Variants in MSRA observed in about 807,000 individuals in gnomAD.
MSRA encodes methionine sulfoxide reductase A.
Under a neutral mutation model 31.3 loss-of-function variants are expected in MSRA, and 54 were observed. The observed-to-expected ratio is 1.73, with a 90% CI of 1.39 to 2.17. The LOEUF (loss-of-function observed/expected upper bound fraction) is 2.17, where lower values mean the gene tolerates loss of function less well. MSRA is among the 30% of genes most tolerant of loss of function. The pLI is 0.00. For missense variants in MSRA, 507 were observed against 300.9 expected (o/e 1.69, Z -5.07); for synonymous variants, 169 against 116.5 (o/e 1.45, Z -2.90).
chr8:10,220,444 A>T (rs1311599098), intron 2 of MSRA, among the ~76,000 whole-genome samples: 1 of 152,246 alleles, frequency 6.6e-6, no homozygotes, highest in Non-Finnish European at 1.5e-5. Context: ...AAATATGCTT[A>T]GCATAAGCTG....
intron 1 of MSRA, among the ~76,000 whole-genome samples, chr8:10,169,049 A>G (rs1563176036): frequency 6.6e-6 from 1 of 152,216 alleles, no homozygotes. Flanking sequence ...GATTTTCCCC[A>G]TAACCTTCTC....
At chr8:10,341,637 C>G (rs1803432557) in intron 5 of MSRA, among the ~76,000 whole-genome samples, 2 of 152,216 alleles carry the variant, frequency 1.3e-5, no homozygotes, top group South Asian at 4.1e-4. Context: ...GGGCATCAGA[C>G]AAACTTAGGT....
chr8:10,058,665 T>C lies in MSRA; in HGVS notation c.142+4007T>C, dbSNP rs59177197. Among the ~76,000 whole-genome samples the C allele has an allele frequency of 2.0e-5, 3 of 152,358 alleles. No homozygotes were observed. The East Asian group carries it at 5.8e-4, about 29-fold the overall frequency. On this transcript the variant is annotated intron_variant, in intron 1 of 5. Transcript: ENST00000317173. ...ATCTATTTGAACCCAAAAGCCCATT[T>C]TAGGCTTAATGAAGAAACGTTGAGA...
chr8:10,129,228 A>G (rs1801724579), intron 1 of MSRA, among the ~76,000 whole-genome samples: 1 of 152,104 alleles, frequency 6.6e-6, no homozygotes, highest in African/African-American at 2.4e-5. Flanking sequence ...CCTGGACATG[A>G]TTGGTATTCT....
intron 3 of MSRA, among the ~76,000 whole-genome samples, chr8:10,257,334 C>A (rs548845956): frequency 6.6e-6 from 1 of 152,176 alleles, no homozygotes; most frequent in African/African-American, 2.4e-5. Context: ...CCTCAGAGAC[C>A]TTGGGTCTCA....
chr8:10,124,039 T>C (rs150719792), intron 1 of MSRA, among the ~76,000 whole-genome samples: 288 of 151,896 alleles, frequency 1.9e-3, no homozygotes, highest in African/African-American at 6.6e-3. Context: ...CCCTTTGACC[T>C]TGGGATTGCA....
chr8:10,238,478 G>T (rs146982878), intron 2 of MSRA, among the ~76,000 whole-genome samples: 1 of 151,796 alleles, frequency 6.6e-6, no homozygotes, highest in Non-Finnish European at 1.5e-5. Flanking sequence ...ATTTATCCTG[G>T]GTGCTTAGAG....
intron 3 of MSRA, among the ~76,000 whole-genome samples, chr8:10,269,393 G>A (rs150707891): frequency 3.3e-5 from 5 of 152,268 alleles, no homozygotes; most frequent in African/African-American, 1.2e-4. Context: ...TGATATATAG[G>A]CCTACTTATG....
chr8:10,115,917 A>T (rs981964371), intron 1 of MSRA, among the ~76,000 whole-genome samples: 1 of 152,206 alleles, frequency 6.6e-6, no homozygotes, highest in Non-Finnish European at 1.5e-5. Flanking sequence ...CTAATTTTTG[A>T]ATAAAACCAG....
At chr8:10,282,079 A>G (rs1251313126) in intron 3 of MSRA, among the ~76,000 whole-genome samples, 2 of 152,160 alleles carry the variant, frequency 1.3e-5, no homozygotes, top group Non-Finnish European at 2.9e-5. Flanking sequence ...GATGGCAGAG[A>G]TGCATTGGGA....
At chr8:10,369,353 C>G (rs1805351358) in intron 5 of MSRA, among the ~76,000 whole-genome samples, 1 of 141,158 alleles carries the variant, frequency 7.1e-6, no homozygotes, top group Non-Finnish European at 1.5e-5. Flanking sequence ...GATCCTGGCA[C>G]TACTGCCCCC....
chr8:10,181,248 T>C (rs898079083), intron 1 of MSRA, among the ~76,000 whole-genome samples: 1 of 152,108 alleles, frequency 6.6e-6, no homozygotes, highest in Non-Finnish European at 1.5e-5. Flanking sequence ...GATGCTATTA[T>C]CTAGAGAGCA....
intron 5 of MSRA, among the ~76,000 whole-genome samples, chr8:10,386,036 A>T (rs1015980133): frequency 6.6e-6 from 1 of 152,212 alleles, no homozygotes; most frequent in African/African-American, 2.4e-5. Flanking sequence ...TCAGGGCAGG[A>T]GGAATGGATG....
chr8:10,340,790 A>G (rs529437314), intron 5 of MSRA, among the ~76,000 whole-genome samples: 4 of 152,376 alleles, frequency 2.6e-5, no homozygotes, highest in Non-Finnish European at 4.4e-5. Context: ...GAAGCAACCT[A>G]TATACAAACT....
At chr8:10,219,437 A>G (rs1047560077) in intron 2 of MSRA, among the ~76,000 whole-genome samples, 1 of 152,128 alleles carries the variant, frequency 6.6e-6, no homozygotes, top group African/African-American at 2.4e-5. Context: ...TCGTGTATGT[A>G]TTTTTGTAAG....
intron 1 of MSRA, among the ~76,000 whole-genome samples, chr8:10,063,977 G>T (rs1797334255): frequency 6.6e-6 from 1 of 152,270 alleles, no homozygotes; most frequent in South Asian, 2.1e-4. Context: ...AGCTTAGATT[G>T]CTCTTAGAGT....
At chr8:10,239,920 A>AACTG (rs1208488261) in intron 2 of MSRA, among the ~76,000 whole-genome samples, 1 of 152,028 alleles carries the variant, frequency 6.6e-6, no homozygotes, top group Non-Finnish European at 1.5e-5. Flanking sequence ...TTGTTCACTG[A>AACTG]ACTGGTGCTG....
intron 1 of MSRA, among the ~76,000 whole-genome samples, chr8:10,169,346 G>A (rs1480664427): frequency 6.6e-6 from 1 of 152,210 alleles, no homozygotes; most frequent in Non-Finnish European, 1.5e-5. Flanking sequence ...GGGGTATTCA[G>A]CTGTGTGAGT....
chr8:10,274,776 C>T (rs1174585098), intron 3 of MSRA, among the ~76,000 whole-genome samples: 1 of 151,966 alleles, frequency 6.6e-6, no homozygotes, highest in Non-Finnish European at 1.5e-5. Context: ...TCCATTCAGC[C>T]ATCTGTCCAT....
Sources: gnomAD v4.1 joint callset for allele counts (sites outside exome capture counted in the v4.1 genomes callset) on GRCh38, gnomAD v4.1.1 for gene constraint, MANE v1.5 for transcripts, NCBI Gene and HGNC (gene_info 2026-07-23, HGNC 2026-07-21) for gene names.